CSMD2: variants seen among roughly 807,000 people sequenced by gnomAD.
CSMD2 encodes CUB and sushi domain-containing protein 2.
Under a neutral mutation model 398.5 loss-of-function variants are expected in CSMD2, and 130 were observed. That is an observed-to-expected ratio of 0.33 (90% CI 0.28 to 0.38). The LOEUF (loss-of-function observed/expected upper bound fraction) is 0.38. Ranked by LOEUF, CSMD2 falls within the 10% of genes least tolerant of loss-of-function variation. The pLI is 1.00. For synonymous variants in CSMD2, 1,828 were observed against 1,908.5 expected, an observed-to-expected ratio of 0.96 and a Z score of 1.10; for missense variants, 3,829 against 4,764.9, an observed-to-expected ratio of 0.80 and a Z score of 5.78.
intron 5 of CSMD2, among the ~76,000 whole-genome samples, chr1:33,916,332 T>C (rs1643720575): frequency 6.6e-6 from 1 of 152,230 alleles, no homozygotes; most frequent in Non-Finnish European, 1.5e-5. Flanking sequence ...TTTGTAGATT[T>C]TCCATGTTTT....
intron 13 of CSMD2, among the ~76,000 whole-genome samples, chr1:33,770,387 A>G (rs1311141584): frequency 6.6e-6 from 1 of 152,242 alleles, no homozygotes; most frequent in African/African-American, 2.4e-5. Flanking sequence ...CAATTGGACT[A>G]TGAGCTCCCT....
chr1:33,768,265 CTG>C (rs1650781469), intron 13 of CSMD2, among the ~76,000 whole-genome samples: 1 of 152,116 alleles, frequency 6.6e-6, no homozygotes, highest in South Asian at 2.1e-4. Context: ...CGTTCTTAAT[CTG>C]TGATTTTTTT....
chr1:33,600,272 T>C (rs924871966), intron 44 of CSMD2: 25 of 671,222 alleles, frequency 3.7e-5, no homozygotes, highest in African/African-American at 1.8e-4. Flanking sequence ...CATCATTCCA[T>C]AGATAGGCAC....
At chr1:34,002,341 C>T (rs1646929389) in intron 3 of CSMD2, among the ~76,000 whole-genome samples, 1 of 152,210 alleles carries the variant, frequency 6.6e-6, no homozygotes, top group African/African-American at 2.4e-5. Context: ...TTCCTGTTTA[C>T]AAGCTGACTA....
rs1180445252 is a variant in CSMD2 at position 33,805,355 on chromosome 1, A to C, written c.1446+5388T>G. ...GTGTCCTTTCCCATTAACTAGGTAC[A>C]TCATGAAATAATTTAATTAAATGTG... On this transcript the variant is annotated intron_variant, in intron 10 of 70. Transcript: ENST00000373381. Among the ~76,000 whole-genome samples the C allele has an allele frequency of 2.6e-5, 4 of 152,328 alleles. No homozygotes were observed. In the East Asian group the frequency reaches 7.7e-4, roughly 29 times the overall value.
At chr1:33,984,573 A>G (rs887532245) in intron 3 of CSMD2, among the ~76,000 whole-genome samples, 2 of 152,134 alleles carry the variant, frequency 1.3e-5, no homozygotes, top group Non-Finnish European at 2.9e-5. Context: ...GAAGGATTGC[A>G]GGAGTTCCAG....
chr1:33,690,517 G>C (rs890633507), intron 25 of CSMD2, among the ~76,000 whole-genome samples: 17 of 152,136 alleles, frequency 1.1e-4, no homozygotes, highest in African/African-American at 4.1e-4. Context: ...GCCAGCATCT[G>C]GCACAGGCAC....
intron 44 of CSMD2, chr1:33,600,224 T>TA (rs1557600071): frequency 1.4e-6 from 1 of 714,206 alleles, no homozygotes; most frequent in Non-Finnish European, 2.6e-6. Flanking sequence ...GATTTCTGGT[T>TA]AAAATATCTG....
intron 6 of CSMD2, among the ~76,000 whole-genome samples, chr1:33,836,630 G>A (rs1570200262): frequency 6.6e-6 from 1 of 152,312 alleles, no homozygotes; most frequent in Admixed American, 6.5e-5. Context: ...CTAGCAATGA[G>A]CGAGGCTCCG....
At chr1:33,679,480 G>A (rs1226883062) in intron 25 of CSMD2, among the ~76,000 whole-genome samples, 2 of 152,102 alleles carry the variant, frequency 1.3e-5, no homozygotes, top group African/African-American at 2.4e-5. Context: ...GATTACAGGC[G>A]TGAGCCACTG....
intron 5 of CSMD2, among the ~76,000 whole-genome samples, chr1:33,893,813 A>G (rs1197532985): frequency 6.6e-6 from 1 of 152,208 alleles, no homozygotes; most frequent in African/African-American, 2.4e-5. Flanking sequence ...GGCTATACAA[A>G]GTAAGTTTCA....
At chr1:33,715,788 A>G (rs1646146467) in intron 20 of CSMD2, among the ~76,000 whole-genome samples, 1 of 152,196 alleles carries the variant, frequency 6.6e-6, no homozygotes, top group African/African-American at 2.4e-5. Flanking sequence ...AATGCCAAAT[A>G]AAAGCACTTT....
chr1:33,794,788 A>T lies in CSMD2; in HGVS notation c.1447-2262T>A, dbSNP rs534777620. ...GATGTGAGCCTGTAGCAAGTTCTAG[A>T]TGAGGCAGGGTGTGGACCTGTAGCA... On this transcript the variant is annotated intron_variant, in intron 10 of 70. Coordinates refer to ENST00000373381, the MANE Select transcript of CSMD2 (RefSeq NM_001281956.2). 2.8e-5 allele frequency among the ~76,000 whole-genome samples: 4 copies of T among 141,884 alleles called. No individual in the cohort carries two copies. In the South Asian group the frequency reaches 9.9e-4, roughly 35 times the overall value. The allele number at this position is 141,884 out of a possible 152,430, so 93.1% of individuals were successfully genotyped here.
chr1:33,762,130 G>A (rs79446951), intron 13 of CSMD2, among the ~76,000 whole-genome samples: 2,878 of 152,326 alleles, frequency 0.019, 37 homozygotes, highest in South Asian at 0.03. Flanking sequence ...CCACATCACT[G>A]AGGGCTGATA....
chr1:34,149,426 A>T (rs771135), intron 1 of CSMD2, among the ~76,000 whole-genome samples: 109,598 of 152,054 alleles, frequency 0.72, 42,145 homozygotes, highest in Non-Finnish European at 0.85. Flanking sequence ...GCCCCCCACC[A>T]ACAGGCCCGA....
intron 41 of CSMD2, 86 bp downstream of exon 41, chr1:33,610,955 C>T (rs547680823): frequency 2.3e-6 from 3 of 1,322,040 alleles, no homozygotes; most frequent in East Asian, 2.4e-5. Context: ...TTCTGTTTTC[C>T]CCCACATGGA....
At chr1:33,552,727 A>C (rs904081686) in intron 55 of CSMD2, among the ~76,000 whole-genome samples, 2 of 152,186 alleles carry the variant, frequency 1.3e-5, no homozygotes, top group African/African-American at 4.8e-5. Flanking sequence ...TGTCCAGAAT[A>C]GGTAAATCCA....
chr1:34,067,978 T>A (rs1217130204), intron 2 of CSMD2, among the ~76,000 whole-genome samples: 2 of 152,198 alleles, frequency 1.3e-5, no homozygotes, highest in Non-Finnish European at 2.9e-5. Flanking sequence ...ACTGTGCAGA[T>A]GGCATGTCTG....
intron 10 of CSMD2, among the ~76,000 whole-genome samples, chr1:33,793,825 G>C (rs1654629758): frequency 6.6e-6 from 1 of 152,172 alleles, no homozygotes; most frequent in Admixed American, 6.5e-5. Context: ...GCTGAGGGGA[G>C]GGAAAGATCC....
Sources: gnomAD v4.1 joint callset for allele counts (sites outside exome capture counted in the v4.1 genomes callset) on GRCh38, gnomAD v4.1.1 for gene constraint, MANE v1.5 for transcripts, NCBI Gene and HGNC (gene_info 2026-07-23, HGNC 2026-07-21) for gene names.